LDLRAD4: variants seen among roughly 807,000 people sequenced by gnomAD.
LDLRAD4 encodes low-density lipoprotein receptor class A domain-containing protein 4.
In LDLRAD4, 5 loss-of-function variants were observed where a neutral mutation model predicts 17.0. That is an observed-to-expected ratio of 0.29 (90% CI 0.15 to 0.62). The LOEUF (loss-of-function observed/expected upper bound fraction) is 0.62. Among genes scored for constraint, LDLRAD4 ranks in the 20% least tolerant of loss-of-function variants. The pLI is 0.84. For synonymous variants in LDLRAD4, 168 were observed against 171.8 expected (o/e 0.98, Z 0.17); for missense variants, 340 against 424.7 (o/e 0.80, Z 1.75).
At chr18:13,284,443 C>T (rs769815935) in intron 1 of LDLRAD4, among the ~76,000 whole-genome samples, 10 of 152,230 alleles carry the variant, frequency 6.6e-5, no homozygotes, top group Admixed American at 1.3e-4. Flanking sequence ...CTAGCAGCTC[C>T]GTCAGTTCAT....
intron 3 of LDLRAD4, among the ~76,000 whole-genome samples, chr18:13,453,852 C>T (rs2146429060): frequency 6.6e-6 from 1 of 152,360 alleles, no homozygotes; most frequent in Non-Finnish European, 1.5e-5. Context: ...AATAATGACG[C>T]AATGTGTGAT....
intron 3 of LDLRAD4, among the ~76,000 whole-genome samples, chr18:13,510,510 T>A (rs1042417798): frequency 1.3e-5 from 2 of 150,276 alleles, no homozygotes; most frequent in African/African-American, 4.9e-5. Context: ...ATAATGGACT[T>A]TGGAGAGTTG....
rs185143703 is a variant in LDLRAD4, at chr18:13,246,562, A to G, written c.-467+27574A>G. ...CCGAGGTCAGTGCCATATAAAATGC[A>G]GATACCACAGCCCCTAAGGGGTGGC... On this transcript the variant is annotated intron_variant, in intron 1 of 5. Transcript: ENST00000399848. Among the ~76,000 whole-genome samples, 8 of 152,374 alleles carry G rather than the reference A, an allele frequency of 5.3e-5. No homozygotes were observed. In the East Asian group the frequency reaches 1.5e-3, roughly 29 times the overall value.
chr18:13,563,201 AATT>A (rs1162319539), intron 3 of LDLRAD4, among the ~76,000 whole-genome samples: 1 of 152,254 alleles, frequency 6.6e-6, no homozygotes, highest in Non-Finnish European at 1.5e-5. Flanking sequence ...AGGGATAACT[AATT>A]ATGCCTGTAG....
intron 1 of LDLRAD4, among the ~76,000 whole-genome samples, chr18:13,337,551 A>G (rs1181562450): frequency 1.3e-5 from 2 of 152,244 alleles, no homozygotes; most frequent in East Asian, 1.9e-4. Context: ...ACAAAGGTTA[A>G]GCAACTTGAT....
chr18:13,583,363 G>A (rs191784033), intron 3 of LDLRAD4, among the ~76,000 whole-genome samples: 51 of 152,202 alleles, frequency 3.4e-4, no homozygotes, highest in African/African-American at 1.2e-3. Context: ...AGACTGGGGC[G>A]GCCTCCTGAT....
intron 3 of LDLRAD4, among the ~76,000 whole-genome samples, chr18:13,571,871 C>T (rs905391353): frequency 7.9e-5 from 12 of 151,986 alleles, no homozygotes; most frequent in East Asian, 1.9e-4. Flanking sequence ...CTCCTGACCT[C>T]GTGATCCACC....
At chr18:13,464,082 T>C (rs903519222) in intron 3 of LDLRAD4, among the ~76,000 whole-genome samples, 1 of 152,244 alleles carries the variant, frequency 6.6e-6, no homozygotes, top group Non-Finnish European at 1.5e-5. Flanking sequence ...AGGGTTTTCT[T>C]TGTAGAATAT....
chr18:13,387,495 C>A lies in LDLRAD4; in HGVS notation c.-228C>A. The A allele has an allele frequency of 2.1e-6, 1 of 482,616 alleles. No individual in the cohort carries two copies. The highest frequency in any genetic ancestry group is 4.2e-5 in the East Asian group (1 of 24,076). The allele number at this position is 482,616 out of a possible 1,614,324, so 29.9% of individuals were successfully genotyped here. A position where few individuals can be genotyped will look rare whatever the true frequency, so the allele number is the denominator to read the frequency against. On this transcript the variant is annotated 5_prime_UTR_variant, in exon 2 of 6. The change creates a new upstream start codon in the 5' untranslated region. Coordinates refer to ENST00000359446, the Ensembl canonical transcript of LDLRAD4. ...CCACCCGCGCCATGGCCTCCGCGCC[C>A]TGGCTGGACGGCTGACGGGAGCAGG...
chr18:13,310,597 C>T (rs1599311356), intron 1 of LDLRAD4, among the ~76,000 whole-genome samples: 1 of 152,128 alleles, frequency 6.6e-6, no homozygotes. Context: ...GTGACAGCTG[C>T]CTGGACCCCT....
At chr18:13,615,546 G>C (rs773140955) in intron 3 of LDLRAD4, 9 of 152,194 alleles carry the variant, frequency 5.9e-5, no homozygotes, top group Non-Finnish European at 1.2e-4. Context: ...TTGAACCAGG[G>C]AAGAGACCGA....
chr18:13,555,311 C>T (rs140811057), intron 3 of LDLRAD4, among the ~76,000 whole-genome samples: 1 of 152,302 alleles, frequency 6.6e-6, no homozygotes, highest in East Asian at 1.9e-4. Flanking sequence ...TTCAGTGGAA[C>T]CATTTAACCT....
chr18:13,471,588 C>G (rs2146762703), intron 3 of LDLRAD4: 1 of 152,554 alleles, frequency 6.6e-6, no homozygotes, highest in East Asian at 1.9e-4. Context: ...GCTGCTGGTT[C>G]AGGGACCCAC....
intron 3 of LDLRAD4, among the ~76,000 whole-genome samples, chr18:13,579,798 G>A (rs541973810): frequency 6.6e-6 from 1 of 152,164 alleles, no homozygotes; most frequent in South Asian, 2.1e-4. Flanking sequence ...TCTTTTTCCT[G>A]TGGAAAAACT....
intron 2 of LDLRAD4, among the ~76,000 whole-genome samples, chr18:13,429,790 G>A (rs769263457): frequency 2.0e-5 from 3 of 152,194 alleles, no homozygotes; most frequent in African/African-American, 4.8e-5. Flanking sequence ...CGCAGCTCCC[G>A]CTTCTGCCGC....
chr18:13,394,134 G>T (rs1047295485), intron 2 of LDLRAD4, among the ~76,000 whole-genome samples: 3 of 152,190 alleles, frequency 2.0e-5, no homozygotes, highest in African/African-American at 7.2e-5. Context: ...TGTGTACTTG[G>T]TTTTTCCTTC....
intron 1 of LDLRAD4, among the ~76,000 whole-genome samples, chr18:13,375,868 G>A (rs1016605202): frequency 1.6e-4 from 24 of 152,160 alleles, no homozygotes; most frequent in African/African-American, 5.3e-4. Context: ...GTCCACCGGC[G>A]TATGTGTGTT....
intron 1 of LDLRAD4, among the ~76,000 whole-genome samples, chr18:13,336,074 A>G (rs2082087637): frequency 6.6e-6 from 1 of 152,198 alleles, no homozygotes; most frequent in Non-Finnish European, 1.5e-5. Flanking sequence ...CGGAGATCAC[A>G]CGGTGAGAGA....
intron 1 of LDLRAD4, among the ~76,000 whole-genome samples, chr18:13,272,217 C>T (rs1411759818): frequency 6.6e-6 from 1 of 152,144 alleles, no homozygotes; most frequent in Non-Finnish European, 1.5e-5. Context: ...TTGAGGGATG[C>T]TCCTGACCTG....
Sources: allele counts gnomAD v4.1 joint callset (sites outside exome capture counted in the v4.1 genomes callset), GRCh38; gene constraint gnomAD v4.1.1; transcripts MANE v1.5; gene names NCBI Gene and HGNC (gene_info 2026-07-23, HGNC 2026-07-21).